The following EPHB2 variants were observed in gnomAD, a reference collection of about 807,000 sequenced individuals.
EPHB2 encodes the protein ephrin type-B receptor 2.
A neutral mutation model predicts 96.4 loss-of-function variants in EPHB2; 18 were observed. The ratio of observed to expected loss-of-function variants is 0.19; its 90% CI spans 0.13 to 0.28. The LOEUF is 0.28. Ranked by LOEUF, EPHB2 falls within the 10% of genes least tolerant of loss-of-function variation. The pLI is 1.00. For missense variants in EPHB2, 989 were observed against 1,355.4 expected (o/e 0.73, Z 4.25); for synonymous variants, 506 against 534.1 (o/e 0.95, Z 0.72).
Position 22,846,323 on chromosome 1 carries a change from G to A in EPHB2, c.812-16714G>A, listed in dbSNP as rs1447892969. ...CCCAGCTACTAGGGAGGCTGAGGCA[G>A]GAGAATCACTTGAACCCGGGAGGTG... On this transcript the variant is annotated intron_variant, in intron 3 of 15. Transcript: ENST00000374630. This position sits in a 1 kb window ranked among gnomAD's most constrained non-coding sequence, Gnocchi z 4.3. Among the ~76,000 whole-genome samples, 4 of 152,006 alleles carry A rather than the reference G, an allele frequency of 2.6e-5. No individual in the cohort carries two copies. The highest frequency in any genetic ancestry group is 9.7e-5 in the African/African-American group (4 of 41,388).
chr1:22,759,151 A>G (rs1405644529), intron 1 of EPHB2, among the ~76,000 whole-genome samples: 4 of 152,078 alleles, frequency 2.6e-5, no homozygotes, highest in Non-Finnish European at 4.4e-5. Context: ...CATTTTCCCC[A>G]GCTATTTTCC....
At chr1:22,805,505 G>A (rs1225286555) in intron 3 of EPHB2, among the ~76,000 whole-genome samples, 1 of 152,106 alleles carries the variant, frequency 6.6e-6, no homozygotes, top group Non-Finnish European at 1.5e-5. Flanking sequence ...ACTGCCTGAG[G>A]ACTCTGGCAC....
chr1:22,783,347 G>C (rs1378391785), intron 2 of EPHB2, among the ~76,000 whole-genome samples: 2 of 152,196 alleles, frequency 1.3e-5, no homozygotes, highest in Non-Finnish European at 2.9e-5. Flanking sequence ...GGGCTCCTTT[G>C]GGTCTACCCC....
In EPHB2 at chr1:22,805,142, C is replaced by T. The variant is rs111515675; in HGVS notation, c.811+20066C>T. On this transcript the variant is annotated intron_variant, in intron 3 of 15. Transcript: ENST00000374630. ...TCCCAGGGCTGGCATCCTGCAGGTA[C>T]GGGATGAGCCATGCACCCGGAGTCC... Among the ~76,000 whole-genome samples, 13 of 151,772 alleles carry T rather than the reference C, an allele frequency of 8.6e-5. 1 individual carries two copies. Among genetic ancestry groups the T allele is most frequent in the African/African-American group, 1.9e-4 (8 of 41,342 alleles).
chr1:22,821,867 G>C (rs1570340272), intron 3 of EPHB2, among the ~76,000 whole-genome samples: 1 of 152,298 alleles, frequency 6.6e-6, no homozygotes, highest in East Asian at 1.9e-4. Context: ...TCTGAAGCTA[G>C]GGGTGGTTTT....
At chr1:22,895,362 A>G (rs77501996) in intron 7 of EPHB2, 110 bp from the exon 8 acceptor site, 65,549 of 984,714 alleles carry the variant, frequency 0.067, 2,621 homozygotes, top group Middle Eastern at 0.11. Flanking sequence ...AGGGGCAGGA[A>G]CAGAGTCTAG....
chr1:22,896,595 G>T, intron 9 of EPHB2, 117 bp downstream of exon 9: 3 of 1,364,678 alleles, frequency 2.2e-6, no homozygotes, highest in Middle Eastern at 1.8e-4. Flanking sequence ...AATGTCAAGT[G>T]GTTGCCTGGT....
chr1:22,913,951 C>T lies in EPHB2; in HGVS notation c.*381C>T. Reference sequence around the variant, plus strand: ...CTCCAACTCCCTCTGGGAAGGTGACCTGGCCAGAGCCAAGAAACACTTTCA... The same window carrying T: ...CTCCAACTCCCTCTGGGAAGGTGACTTGGCCAGAGCCAAGAAACACTTTCA... On this transcript the variant is annotated 3_prime_UTR_variant, in exon 16 of 16. Coordinates refer to ENST00000374630, the MANE Select transcript of EPHB2 (RefSeq NM_017449.5). The surrounding 1 kb of genome is among the most constrained non-coding windows in gnomAD (Gnocchi z 4.1). 1.4e-6 allele frequency: 2 copies of T among 1,460,474 alleles called. No homozygotes were observed. The highest frequency in any genetic ancestry group is 1.8e-6 in the Non-Finnish European group (2 of 1,103,454). 90.5% of individuals were successfully genotyped at this position (1,460,474 alleles called of 1,614,324 possible).
intron 3 of EPHB2, among the ~76,000 whole-genome samples, chr1:22,829,492 A>G (rs1198884188): frequency 1.3e-5 from 2 of 152,162 alleles, no homozygotes; most frequent in Non-Finnish European, 2.9e-5. Context: ...GCCTCCCTAC[A>G]ACTGGCCTTG....
At position 22,819,205 on chromosome 1, in the gene EPHB2, GTCTCTCTCTCTCTCTC is replaced by G. The variant is rs71020453; in HGVS notation, c.811+34159_811+34174del. ...TCCACAGCCTGGTCGCCCAGCAGAT[GTCTCTCTCTCTCTCTC>G]TCTCTCTCTCTCTCTCTCTCTCTCT... On this transcript the variant is annotated intron_variant, in intron 3 of 15. Transcript: ENST00000374630. 8.3e-4 allele frequency among the ~76,000 whole-genome samples: 86 copies of G among 103,470 alleles called. No homozygotes were observed. In the Middle Eastern group the frequency reaches 0.038, roughly 46 times the overall value. 67.9% of individuals were successfully genotyped at this position (103,470 alleles called of 152,430 possible). A position where few individuals can be genotyped will look rare whatever the true frequency, so the allele number is the denominator to read the frequency against.
At chr1:22,753,389 C>T (rs1209430771) in intron 1 of EPHB2, among the ~76,000 whole-genome samples, 1 of 152,234 alleles carries the variant, frequency 6.6e-6, no homozygotes, top group Non-Finnish European at 1.5e-5. Context: ...ATGATGGCTC[C>T]TCTTGTCACA....
rs1015655338 is a variant in EPHB2 at position 22,858,437 on chromosome 1, T to G, written c.812-4600T>G. The stretch of plus-strand genomic sequence containing the variant: ...GAGGCCACAGTGGAGCAGAGACCCA[T>G]TCGATGGCTCTCTCTGTCATTATTC... On this transcript the variant is annotated intron_variant, in intron 3 of 15. Coordinates refer to ENST00000374630, the MANE Select transcript of EPHB2 (RefSeq NM_017449.5). The surrounding 1 kb of genome is among the most constrained non-coding windows in gnomAD (Gnocchi z 7.7). 6.6e-5 allele frequency among the ~76,000 whole-genome samples: 10 copies of G among 152,222 alleles called. No individual in the cohort carries two copies. In the East Asian group the frequency reaches 1.9e-3, roughly 29 times the overall value.
chr1:22,859,708 G>T (rs570420094), intron 3 of EPHB2, among the ~76,000 whole-genome samples: 5 of 152,082 alleles, frequency 3.3e-5, no homozygotes, highest in African/African-American at 4.8e-5. Flanking sequence ...CAGGAGAATC[G>T]CTTGAACCCG....
intron 3 of EPHB2, among the ~76,000 whole-genome samples, chr1:22,799,184 C>A (rs575933265): frequency 6.6e-6 from 1 of 152,256 alleles, no homozygotes; most frequent in African/African-American, 2.4e-5. Context: ...TCAGTGTCAC[C>A]GTCTGTAGAA....
In EPHB2 at chr1:22,786,949, A is replaced by T. The variant is rs193251413; in HGVS notation, c.811+1873A>T. On this transcript the variant is annotated intron_variant, in intron 3 of 15. Coordinates refer to ENST00000374630, the MANE Select transcript of EPHB2 (RefSeq NM_017449.5). ...AAAGTGCACAGCCTTGGAAGGTGGC[A>T]GTGGTGAGACAGTGTGTGGGTGGCA... Among the ~76,000 whole-genome samples, 40 of 152,338 alleles carry T rather than the reference A, an allele frequency of 2.6e-4. No individual in the cohort carries two copies. The East Asian group carries it at 6.9e-3, about 26-fold the overall frequency.
At chr1:22,862,205 G>T (rs1459416514) in intron 3 of EPHB2, among the ~76,000 whole-genome samples, 1 of 152,236 alleles carries the variant, frequency 6.6e-6, no homozygotes, top group Non-Finnish European at 1.5e-5. Context: ...GCTACAGTGG[G>T]GGTGGACTCC....
In EPHB2 at chr1:22,731,270, C is replaced by A. The variant is rs144657812; in HGVS notation, c.61+20227C>A. Among the ~76,000 whole-genome samples, 346 of 152,262 alleles carry A rather than the reference C, an allele frequency of 2.3e-3. 2 individuals are homozygous for A. Among genetic ancestry groups the A allele is most frequent in the Middle Eastern group, 6.8e-3 (2 of 294 alleles). On this transcript the variant is annotated intron_variant, in intron 1 of 15. Coordinates refer to ENST00000374630, the MANE Select transcript of EPHB2 (RefSeq NM_017449.5). ...GGCAGAGGGACAGAGAAGAGCCTGG[C>A]CCGGGCCCAAATCCACCCCCATCAG...
At chr1:22,842,334 G>A (rs1237109030) in intron 3 of EPHB2, among the ~76,000 whole-genome samples, 3 of 152,188 alleles carry the variant, frequency 2.0e-5, no homozygotes, top group Non-Finnish European at 2.9e-5. Flanking sequence ...GGATAACACA[G>A]CATCTCACTC....
At chr1:22,849,971 C>T (rs974518112) in intron 3 of EPHB2, among the ~76,000 whole-genome samples, 1 of 152,178 alleles carries the variant, frequency 6.6e-6, no homozygotes, top group African/African-American at 2.4e-5. Flanking sequence ...TTGCCTTAAC[C>T]GAGCTCACCA....
Sources: gnomAD v4.1 joint callset for allele counts (sites outside exome capture counted in the v4.1 genomes callset) on GRCh38, gnomAD v4.1.1 for gene constraint, Gnocchi (gnomAD v3.1) non-coding constraint, MANE v1.5 for transcripts, NCBI Gene and HGNC (gene_info 2026-07-23, HGNC 2026-07-21) for gene names.